The following VPS50 variants were observed in gnomAD, a reference collection of about 807,000 sequenced individuals.
The protein encoded by VPS50 is VPS50 subunit of EARP/GARPII complex.
VPS50 carries 70 observed loss-of-function variants against 139.7 expected under a neutral mutation model. That is an observed-to-expected ratio of 0.50 (90% CI 0.41 to 0.61). The LOEUF (loss-of-function observed/expected upper bound fraction) is 0.61. Ranked by LOEUF, VPS50 falls within the 20% of genes least tolerant of loss-of-function variation. VPS50 has a pLI of 0.00. For synonymous variants in VPS50, 365 were observed against 376.7 expected (o/e 0.97, Z 0.36); for missense variants, 921 against 1,133.7 (o/e 0.81, Z 2.69).
intron 20 of VPS50, among the ~76,000 whole-genome samples, chr7:93,322,347 C>T (rs1189821006): frequency 1.3e-5 from 2 of 152,028 alleles, no homozygotes; most frequent in African/African-American, 2.4e-5. Flanking sequence ...CGCCTGTAAT[C>T]CCAGCACTTT....
At position 93,253,846 on chromosome 7, in the gene VPS50, A is replaced by G. The variant is rs73712821; in HGVS notation, c.226-14A>G. On this transcript the variant is annotated splice_polypyrimidine_tract_variant and intron_variant, in intron 3 of 27. Transcript: ENST00000305866. ...TTTATTTTTTCCTCTTCTTTCATGA[A>G]TTTTTTTCTGTAGAAGCTTCCACCT... 6.6e-7 allele frequency: 1 copy of G among 1,523,236 alleles called. No individual in the cohort carries two copies. The highest frequency in any genetic ancestry group is 9.1e-7 in the Non-Finnish European group (1 of 1,104,374). 94.4% of individuals were successfully genotyped at this position (1,523,236 alleles called of 1,614,324 possible). A position where few individuals can be genotyped will look rare whatever the true frequency, so the allele number is the denominator to read the frequency against.
chr7:93,291,979 T>C (rs1796660087), intron 13 of VPS50, 144 bp downstream of exon 13: 2 of 554,660 alleles, frequency 3.6e-6, no homozygotes, highest in African/African-American at 1.9e-5. Context: ...GCAAAGAAAG[T>C]GATTCAGCTA....
intron 20 of VPS50, among the ~76,000 whole-genome samples, chr7:93,318,288 TG>T (rs1379569276): frequency 6.6e-6 from 1 of 152,038 alleles, no homozygotes; most frequent in Non-Finnish European, 1.5e-5. Context: ...ATTGGAGATT[TG>T]GGGGGCTGAG....
intron 20 of VPS50, among the ~76,000 whole-genome samples, chr7:93,316,804 CATT>C (rs1352019127): frequency 1.3e-5 from 2 of 152,118 alleles, no homozygotes; most frequent in Non-Finnish European, 2.9e-5. Flanking sequence ...TAATTTGAGT[CATT>C]GTTTTAAAAT....
At chr7:93,265,370 A>C (rs1290419670) in intron 9 of VPS50, among the ~76,000 whole-genome samples, 1 of 152,190 alleles carries the variant, frequency 6.6e-6, no homozygotes, top group African/African-American at 2.4e-5. Flanking sequence ...GTCTGAAAGT[A>C]GCTGTAGACA....
rs575709154 is a variant in VPS50, at chr7:93,329,535, T to C, written c.1978-4582T>C. Among the ~76,000 whole-genome samples the C allele has an allele frequency of 2.0e-5, 3 of 151,150 alleles. No homozygotes were observed. The East Asian group carries it at 5.8e-4, about 29-fold the overall frequency. On this transcript the variant is annotated intron_variant, in intron 21 of 27. Transcript: ENST00000305866. ...GAGAGAGAATGGGTCAGAAAAAATA[T>C]TTGAAAAAACACTGGCCAAAATTTT...
At chr7:93,336,748 G>C (rs1798079457) in intron 22 of VPS50, among the ~76,000 whole-genome samples, 1 of 152,186 alleles carries the variant, frequency 6.6e-6, no homozygotes, top group African/African-American at 2.4e-5. Flanking sequence ...CTGACCTCAG[G>C]TGATCCTTCT....
chr7:93,280,668 A>T (rs949964976), intron 12 of VPS50, among the ~76,000 whole-genome samples: 10 of 152,062 alleles, frequency 6.6e-5, no homozygotes, highest in African/African-American at 2.4e-4. Flanking sequence ...TAAAAATAAC[A>T]TTACTTTGGC....
At chr7:93,302,724 G>A (rs1040335749) in intron 16 of VPS50, among the ~76,000 whole-genome samples, 4 of 151,838 alleles carry the variant, frequency 2.6e-5, no homozygotes, top group Admixed American at 6.6e-5. Context: ...TTTGTTTTTA[G>A]CATGGTAGTA....
intron 21 of VPS50, among the ~76,000 whole-genome samples, chr7:93,327,850 G>A (rs193209340): frequency 1.8e-4 from 28 of 152,330 alleles, no homozygotes; most frequent in Non-Finnish European, 3.8e-4. Context: ...CAGGTAATGT[G>A]TAGAATGGGA....
intron 21 of VPS50, among the ~76,000 whole-genome samples, chr7:93,324,786 A>G (rs1797720584): frequency 6.6e-6 from 1 of 152,336 alleles, no homozygotes; most frequent in African/African-American, 2.4e-5. Flanking sequence ...GCTCAATGAA[A>G]TAAAAGAGGA....
intron 9 of VPS50, among the ~76,000 whole-genome samples, chr7:93,263,201 G>A (rs190357419): frequency 5.3e-5 from 8 of 152,276 alleles, no homozygotes; most frequent in Admixed American, 5.2e-4. Context: ...GAACTTAGCC[G>A]AAGGCAAGAT....
intron 12 of VPS50, among the ~76,000 whole-genome samples, chr7:93,276,858 T>C (rs1183640170): frequency 6.6e-6 from 1 of 152,142 alleles, no homozygotes; most frequent in Non-Finnish European, 1.5e-5. Flanking sequence ...ATTGGGAGAA[T>C]GGTAGTGCCA....
In VPS50 at chr7:93,359,015, A is replaced by T. The variant is rs1019771734; in HGVS notation, c.*579A>T. 1 of 152,772 alleles carries T rather than the reference A, an allele frequency of 6.5e-6. No individual in the cohort carries two copies. Among genetic ancestry groups the T allele is most frequent in the Non-Finnish European group, 1.5e-5 (1 of 68,512 alleles). 9.5% of individuals were successfully genotyped at this position (152,772 alleles called of 1,614,324 possible). A position where few individuals can be genotyped will look rare whatever the true frequency, so the allele number is the denominator to read the frequency against. On this transcript the variant is annotated 3_prime_UTR_variant, in exon 28 of 28. Coordinates refer to ENST00000305866, the MANE Select transcript of VPS50 (RefSeq NM_017667.4). ...TGAAATTTAATAAATATACTCTAGT[A>T]TGATCAGCCTATGTGAGACTACATT...
At position 93,358,611 on chromosome 7, in the gene VPS50, G is replaced by T. The variant is rs764898745; in HGVS notation, c.*175G>T. 1.2e-4 allele frequency: 64 copies of T among 550,862 alleles called. No individual in the cohort carries two copies. The highest frequency in any genetic ancestry group is 9.8e-4 in the Admixed American group (34 of 34,530). 34.1% of individuals were successfully genotyped at this position (550,862 alleles called of 1,614,324 possible). On this transcript the variant is annotated 3_prime_UTR_variant, in exon 28 of 28. Coordinates refer to ENST00000305866, the MANE Select transcript of VPS50 (RefSeq NM_017667.4). ...TGTGGTGTTCTCATGACTTTTATAT[G>T]CTGTGGTCTCTTCAACTTTTGGTCT... is the stretch of plus-strand genomic sequence containing the variant.
At chr7:93,266,724 T>A (rs1324124900) in intron 9 of VPS50, among the ~76,000 whole-genome samples, 3 of 152,220 alleles carry the variant, frequency 2.0e-5, no homozygotes, top group Non-Finnish European at 4.4e-5. Flanking sequence ...TGTTTATGAA[T>A]AGATCCTTTT....
chr7:93,291,749 A>G lies in VPS50; in HGVS notation c.989A>G (p.Lys330Arg). ...ATTCCATGCCTTGCAGACCTGTGCA[A>G]AGCACTATGGGAAGTTATGCTCAGC... Reference protein sequence around the residue: ...SYIPCLADLCKALWEVMLSYY... With the variant: ...SYIPCLADLCRALWEVMLSYY... Residue 330 changes from lysine (K) to arginine (R), a missense_variant, in exon 13 of 28, where the codon AAA becomes AGA. By Grantham distance (26) the Lys-to-Arg change is conservative. This residue lies in a region of VPS50 where 744 missense variants were observed against 930.6 expected (regional missense o/e 0.80). Coordinates refer to ENST00000305866, the MANE Select transcript of VPS50 (RefSeq NM_017667.4). 6.2e-7 allele frequency: 1 copy of G among 1,601,488 alleles called. No individual in the cohort carries two copies. The highest frequency in any genetic ancestry group is 8.5e-7 in the Non-Finnish European group (1 of 1,170,442).
chr7:93,348,406 C>T (rs547657064), intron 23 of VPS50, among the ~76,000 whole-genome samples: 1 of 152,188 alleles, frequency 6.6e-6, no homozygotes, highest in South Asian at 2.1e-4. Flanking sequence ...TTTTTTCAAC[C>T]TGCTACTCTG....
chr7:93,248,184 T>A (rs1795212718), intron 2 of VPS50, among the ~76,000 whole-genome samples: 2 of 152,078 alleles, frequency 1.3e-5, no homozygotes, highest in Admixed American at 1.3e-4. Flanking sequence ...AGTTTGAATA[T>A]CTAATATTAT....
Sources: gnomAD v4.1 joint callset for allele counts (sites outside exome capture counted in the v4.1 genomes callset) on GRCh38, gnomAD v4.1.1 for gene constraint, gnomAD v4.1.1 regional missense constraint, MANE v1.5 for transcripts, NCBI Gene and HGNC (gene_info 2026-07-23, HGNC 2026-07-21) for gene names.